TLE3: variants seen among roughly 807,000 people sequenced by gnomAD.
TLE3 encodes transducin-like enhancer protein 3.
In TLE3, 14 loss-of-function variants were observed where a neutral mutation model predicts 93.0. The observed-to-expected ratio is 0.15, with a 90% CI of 0.10 to 0.24. The LOEUF (loss-of-function observed/expected upper bound fraction) is 0.24. TLE3 is among the 10% of genes least tolerant of loss of function. The pLI is 1.00. For synonymous variants in TLE3, 451 were observed against 425.0 expected (o/e 1.06, Z -0.75); for missense variants, 693 against 1,046.6 (o/e 0.66, Z 4.66).
chr15:70,097,175 G>A lies in TLE3; in HGVS notation c.-377C>T, dbSNP rs2142137007. On this transcript the variant is annotated 5_prime_UTR_variant, in exon 1 of 20. Coordinates refer to ENST00000451782, the MANE Select transcript of TLE3 (RefSeq NM_001105192.3). Reference sequence around the variant, plus strand: ...GTCCGGCGCGGGGTCCCGAGGCCGGGGGCCCCTCCTGGGGCGAGCTCGGGC... The same window carrying A: ...GTCCGGCGCGGGGTCCCGAGGCCGGAGGCCCCTCCTGGGGCGAGCTCGGGC... 2.4e-6 allele frequency: 1 copy of A among 419,018 alleles called. No individual in the cohort carries two copies. Among genetic ancestry groups the A allele is most frequent in the South Asian group, 8.7e-5 (1 of 11,548 alleles). The allele number at this position is 419,018 out of a possible 1,614,324, so 26.0% of individuals were successfully genotyped here. A position where few individuals can be genotyped will look rare whatever the true frequency, so the allele number is the denominator to read the frequency against.
chr15:70,065,789 G>GT (rs1257429737), intron 7 of TLE3, among the ~76,000 whole-genome samples: 1 of 152,222 alleles, frequency 6.6e-6, no homozygotes, highest in Non-Finnish European at 1.5e-5. Context: ...AACAGACAGG[G>GT]TCTTCAGGAC....
chr15:70,075,812 C>T (rs1295789061), intron 5 of TLE3, among the ~76,000 whole-genome samples: 1 of 152,144 alleles, frequency 6.6e-6, no homozygotes, highest in East Asian at 1.9e-4. Context: ...CACCCACTGC[C>T]CACTGATGGT....
intron 13 of TLE3, 145 bp from the exon 14 acceptor site, chr15:70,056,519 T>C (rs1035045106): frequency 5.4e-6 from 4 of 739,502 alleles, no homozygotes; most frequent in Admixed American, 2.5e-5. Flanking sequence ...GCAGAGCCCA[T>C]TGATTCAGAG....
intron 4 of TLE3, among the ~76,000 whole-genome samples, chr15:70,079,113 A>T (rs1022918208): frequency 6.6e-6 from 1 of 152,066 alleles, no homozygotes; most frequent in African/African-American, 2.4e-5. Flanking sequence ...AGGTGACCAC[A>T]GCTGGGTGGC....
intron 8 of TLE3, among the ~76,000 whole-genome samples, chr15:70,064,189 G>A (rs927105986): frequency 1.3e-5 from 2 of 152,216 alleles, no homozygotes; most frequent in Admixed American, 6.5e-5. Context: ...AACAGGTGAC[G>A]ACAGCAGCTC....
At chr15:70,061,065 T>C (rs1003293743) in intron 8 of TLE3, among the ~76,000 whole-genome samples, 6 of 152,070 alleles carry the variant, frequency 3.9e-5, no homozygotes, top group African/African-American at 1.4e-4. Flanking sequence ...GTAAGATGGA[T>C]CTGAGCTGAC....
intron 6 of TLE3, among the ~76,000 whole-genome samples, chr15:70,070,857 C>T (rs2057111743): frequency 6.6e-6 from 1 of 152,124 alleles, no homozygotes; most frequent in Admixed American, 6.6e-5. Context: ...GGAGTGAATA[C>T]CTTAGGTATG....
At chr15:70,095,106 A>G (rs1036761454) in intron 3 of TLE3, among the ~76,000 whole-genome samples, 1 of 152,058 alleles carries the variant, frequency 6.6e-6, no homozygotes, top group African/African-American at 2.4e-5. Context: ...AGGCCTCTCC[A>G]CTCCTCACAA....
At chr15:70,081,030 C>T (rs191379460) in intron 4 of TLE3, among the ~76,000 whole-genome samples, 239 of 152,314 alleles carry the variant, frequency 1.6e-3, no homozygotes, top group Non-Finnish European at 2.8e-3. Flanking sequence ...CTTTTAACCT[C>T]AGCCAAATAA....
At chr15:70,065,879 C>T in intron 7 of TLE3, 135 bp downstream of exon 7, 2 of 973,258 alleles carry the variant, frequency 2.1e-6, no homozygotes, top group African/African-American at 1.6e-5. Context: ...CACCAGGTAT[C>T]AACAGATGAC....
At chr15:70,067,589 C>CTAG (rs2056890249) in intron 6 of TLE3, among the ~76,000 whole-genome samples, 1 of 152,210 alleles carries the variant, frequency 6.6e-6, no homozygotes, top group African/African-American at 2.4e-5. Context: ...GATCTCACAC[C>CTAG]TTACTAAGGG....
At position 70,048,867 on chromosome 15, in the gene TLE3, A is replaced by G. The variant is rs1041872467; in HGVS notation, c.*1230T>C. 5 of 152,036 alleles carry G rather than the reference A, an allele frequency of 3.3e-5. No homozygotes were observed. The East Asian group carries it at 9.7e-4, about 29-fold the overall frequency. The allele number at this position is 152,036 out of a possible 1,614,324, so 9.4% of individuals were successfully genotyped here. On this transcript the variant is annotated 3_prime_UTR_variant, in exon 20 of 20. Coordinates refer to ENST00000451782, the MANE Select transcript of TLE3 (RefSeq NM_001105192.3). ...TCTGCCCAGGGTGGGGGTGAGGGGG[A>G]TCCTCTTTTCAGACTCACAACCCTG...
At chr15:70,079,653 C>T (rs770001594) in intron 4 of TLE3, among the ~76,000 whole-genome samples, 3 of 151,780 alleles carry the variant, frequency 2.0e-5, no homozygotes, top group East Asian at 2.0e-4. Context: ...GAAAGCTGTT[C>T]GCTCAACATT....
intron 4 of TLE3, among the ~76,000 whole-genome samples, chr15:70,092,544 G>A (rs969339111): frequency 6.6e-6 from 1 of 152,270 alleles, no homozygotes; most frequent in South Asian, 2.1e-4. Context: ...ATAAACAGGG[G>A]GCAAAGAATG....
chr15:70,054,170 ACTAATC>A (rs2055814909), intron 16 of TLE3: 1 of 396,534 alleles, frequency 2.5e-6, no homozygotes, highest in Non-Finnish European at 4.5e-6. Context: ...TGCTTGCTCC[ACTAATC>A]TGACCTCCAC....
intron 4 of TLE3, among the ~76,000 whole-genome samples, chr15:70,082,861 A>G (rs2057851689): frequency 6.6e-6 from 1 of 152,190 alleles, no homozygotes; most frequent in East Asian, 1.9e-4. Flanking sequence ...GGACCGATCA[A>G]CGGCAAGGGA....
At chr15:70,088,653 A>G (rs2058148085) in intron 4 of TLE3, among the ~76,000 whole-genome samples, 1 of 149,288 alleles carries the variant, frequency 6.7e-6, no homozygotes, top group Non-Finnish European at 1.5e-5. Context: ...CAGACTGTCA[A>G]TGGCATGTTG....
rs1468804665 is a variant in TLE3 at position 70,086,287 on chromosome 15, AAATC to A, written c.234+8241_234+8244del. On this transcript the variant is annotated intron_variant, in intron 4 of 19. Coordinates refer to ENST00000451782, the MANE Select transcript of TLE3 (RefSeq NM_001105192.3). ...TTCCTCTTCTCATTTTCCCCAGCAG[AAATC>A]ACAAAGCATCACCGGTTCCAAAGCA... Among the ~76,000 whole-genome samples the A allele has an allele frequency of 1.8e-4, 27 of 152,330 alleles. No homozygotes were observed. The South Asian group carries it at 4.8e-3, about 27-fold the overall frequency.
chr15:70,087,868 G>A (rs544382272), intron 4 of TLE3, among the ~76,000 whole-genome samples: 58 of 152,360 alleles, frequency 3.8e-4, no homozygotes, highest in Non-Finnish European at 7.6e-4. Context: ...AAAAGTATTT[G>A]TTCTCAGATA....
Sources: allele counts gnomAD v4.1 joint callset (sites outside exome capture counted in the v4.1 genomes callset), GRCh38; gene constraint gnomAD v4.1.1; transcripts MANE v1.5; gene names NCBI Gene and HGNC (gene_info 2026-07-23, HGNC 2026-07-21).